KAT6A: variants seen among roughly 807,000 people sequenced by gnomAD.
The protein encoded by KAT6A is lysine acetyltransferase 6A, also known as histone acetyltransferase KAT6A.
In KAT6A, 9 loss-of-function variants were observed where a neutral mutation model predicts 198.4. The observed-to-expected ratio is 0.05, with a 90% CI of 0.03 to 0.08. The LOEUF (loss-of-function observed/expected upper bound fraction) is 0.08. Among genes scored for constraint, KAT6A ranks in the 10% least tolerant of loss-of-function variants. The pLI, the probability that KAT6A is intolerant of heterozygous loss-of-function variation, is 1.00. For missense variants in KAT6A, 2,077 were observed against 2,509.9 expected, an observed-to-expected ratio of 0.83 and a Z score of 3.69; for synonymous variants, 890 against 883.0, an observed-to-expected ratio of 1.01 and a Z score of -0.14.
In KAT6A at chr8:41,932,559, G is replaced by T; in HGVS notation, c.5661C>A (p.Gly1887=). Residue 1887 remains glycine, a synonymous_variant, in exon 17 of 17, where the codon GGC becomes GGA. Coordinates refer to ENST00000265713, the MANE Select transcript of KAT6A (RefSeq NM_006766.5). ...CACGCTGAACAGCCAGTGCGCGAGG[G>T]CCAGCCTGCATGGCAACTGCCGATG... ...RSPSAVAMQA[G]PRALAVQRGM... 1 of 1,614,238 alleles carries T rather than the reference G, an allele frequency of 6.2e-7. No homozygotes were observed. Among genetic ancestry groups the T allele is most frequent in the Non-Finnish European group, 8.5e-7 (1 of 1,180,046 alleles).
intron 2 of KAT6A, among the ~76,000 whole-genome samples, chr8:41,999,833 C>T (rs1564055312): frequency 6.6e-6 from 1 of 152,170 alleles, no homozygotes; most frequent in East Asian, 1.9e-4. Flanking sequence ...AAGCAAGTTA[C>T]TTAAGTGTTG....
At chr8:42,018,400 T>C (rs943178227) in intron 2 of KAT6A, among the ~76,000 whole-genome samples, 6 of 152,120 alleles carry the variant, frequency 3.9e-5, no homozygotes, top group African/African-American at 1.4e-4. Context: ...TAATTCCAGC[T>C]ACTTGAGAGG....
In KAT6A at chr8:41,932,505, A is replaced by T. The variant is rs1214850518; in HGVS notation, c.5715T>A (p.Pro1905=). The T allele has an allele frequency of 1.9e-6, 3 of 1,614,220 alleles. No homozygotes were observed. The highest frequency in any genetic ancestry group is 2.7e-5 in the African/African-American group (2 of 75,064). The change falls in exon 17 of 17, where the codon CCT becomes CCA. Residue 1905 remains proline (P), a synonymous_variant. Transcript: ENST00000265713. ...RGMNMGVNLM[P]TPAYNVNSMN... ...TGGAATTGACATTATAGGCGGGAGT[A>T]GGCATCAGATTAACCCCCATGTTCA...
At chr8:42,014,941 G>T (rs1271837388) in intron 2 of KAT6A, among the ~76,000 whole-genome samples, 2 of 152,164 alleles carry the variant, frequency 1.3e-5, no homozygotes, top group Non-Finnish European at 2.9e-5. Flanking sequence ...CGCTAGGAAA[G>T]GATAGATTAT....
At chr8:41,980,222 T>C (rs1444370061) in intron 5 of KAT6A, among the ~76,000 whole-genome samples, 2 of 152,082 alleles carry the variant, frequency 1.3e-5, no homozygotes, top group African/African-American at 2.4e-5. Flanking sequence ...AGCATATGAA[T>C]ATGGAAGTCC....
intron 2 of KAT6A, 120 bp downstream of exon 2, chr8:42,048,258 G>C: frequency 2.0e-6 from 2 of 993,356 alleles, no homozygotes; most frequent in African/African-American, 1.6e-5. Context: ...TAAAAAACCA[G>C]AGGTGATCAC....
intron 15 of KAT6A, among the ~76,000 whole-genome samples, chr8:41,940,412 G>A (rs1463035321): frequency 1.3e-5 from 2 of 152,158 alleles, no homozygotes; most frequent in Admixed American, 1.3e-4. Context: ...ATATAGGGCA[G>A]CACTATGTTC....
At chr8:41,984,540 G>C (rs1035672408) in intron 3 of KAT6A, among the ~76,000 whole-genome samples, 6 of 152,122 alleles carry the variant, frequency 3.9e-5, no homozygotes, top group Non-Finnish European at 5.9e-5. Context: ...AAACCACCCA[G>C]ATAAGCAACT....
At chr8:41,992,757 G>A (rs546668044) in intron 2 of KAT6A, among the ~76,000 whole-genome samples, 5 of 152,214 alleles carry the variant, frequency 3.3e-5, no homozygotes, top group African/African-American at 1.2e-4. Context: ...GGAAGACTGA[G>A]AACAGTATCG....
intron 4 of KAT6A, 104 bp downstream of exon 4, chr8:41,981,735 T>C (rs1824364604): frequency 1.4e-6 from 1 of 717,274 alleles, no homozygotes; most frequent in South Asian, 1.5e-5. Context: ...TAAATGCTAC[T>C]GGACCAAGTG....
chr8:41,979,912 C>T (rs1422806528), intron 5 of KAT6A, among the ~76,000 whole-genome samples: 1 of 152,060 alleles, frequency 6.6e-6, no homozygotes, highest in Non-Finnish European at 1.5e-5. Flanking sequence ...GGCAGAGAAT[C>T]GCTTTGAACC....
intron 9 of KAT6A, 150 bp downstream of exon 9, chr8:41,955,145 CT>C (rs1822862507): frequency 1.7e-6 from 1 of 571,906 alleles, no homozygotes; most frequent in Non-Finnish European, 3.1e-6. Flanking sequence ...GATGAAGTGG[CT>C]GCCAAAGCCG....
chr8:42,051,379 G>GGCCGGAGCCAAA (rs944305094), intron 1 of KAT6A, among the ~76,000 whole-genome samples: 41 of 151,650 alleles, frequency 2.7e-4, no homozygotes, highest in African/African-American at 9.6e-4. Context: ...CCGCGCCCCC[G>GGCCGGAGCCAAA]GCCGGAGCCA....
intron 3 of KAT6A, among the ~76,000 whole-genome samples, chr8:41,982,520 T>G (rs1824411886): frequency 6.6e-6 from 1 of 152,204 alleles, no homozygotes; most frequent in Non-Finnish European, 1.5e-5. Flanking sequence ...CACAGTCTAC[T>G]GCAGTGTGAA....
chr8:42,042,850 T>C (rs1827732238), intron 2 of KAT6A, among the ~76,000 whole-genome samples: 1 of 152,220 alleles, frequency 6.6e-6, no homozygotes, highest in Admixed American at 6.5e-5. Context: ...AAACTATATA[T>C]ATTCAAGTAA....
rs1057150562 is a variant in KAT6A at position 42,032,043 on chromosome 8, C to A, written c.600+16335G>T. Among the ~76,000 whole-genome samples, 2 of 152,130 alleles carry A rather than the reference C, an allele frequency of 1.3e-5. 1 individual carries two copies. The highest frequency in any genetic ancestry group is 4.8e-5 in the African/African-American group (2 of 41,420). On this transcript the variant is annotated intron_variant, in intron 2 of 16. Coordinates refer to ENST00000265713, the MANE Select transcript of KAT6A (RefSeq NM_006766.5). Reference sequence around the variant, plus strand: ...CTCCCGGGTTCACGCCGTTCTCCTGCCTCAGCCTCCCGAGTAGCTGGGACT... The same window carrying A: ...CTCCCGGGTTCACGCCGTTCTCCTGACTCAGCCTCCCGAGTAGCTGGGACT...
In KAT6A at chr8:41,932,229, G is replaced by A. The variant is rs745627517; in HGVS notation, c.5991C>T (p.Leu1997=). 1.9e-6 allele frequency: 3 copies of A among 1,607,864 alleles called. No individual in the cohort carries two copies. The highest frequency in any genetic ancestry group is 1.1e-5 in the South Asian group (1 of 90,194). Residue 1997 remains leucine (L), a synonymous_variant, in exon 17 of 17, where the codon CTC becomes CTT. Transcript: ENST00000265713. ...MNAAGVPKQS[L]NGPYMRR ...CTCATCTTCTCATGTAAGGTCCGTT[G>A]AGTGACTGCTTGGGCACGCCAGCAG...
At chr8:42,004,384 T>G (rs767062362) in intron 2 of KAT6A, among the ~76,000 whole-genome samples, 10 of 152,188 alleles carry the variant, frequency 6.6e-5, no homozygotes, top group Non-Finnish European at 1.3e-4. Flanking sequence ...AAAGCTTTAG[T>G]AAGCAAAGCC....
At chr8:41,986,097 C>T (rs150603626) in intron 3 of KAT6A, among the ~76,000 whole-genome samples, 2,040 of 152,218 alleles carry the variant, frequency 0.013, 41 homozygotes, top group South Asian at 0.082. Flanking sequence ...CGAACCACCA[C>T]GCCCAGCTAA....
Sources: gnomAD v4.1 joint callset for allele counts (sites outside exome capture counted in the v4.1 genomes callset) on GRCh38, gnomAD v4.1.1 for gene constraint, MANE v1.5 for transcripts, NCBI Gene and HGNC (gene_info 2026-07-23, HGNC 2026-07-21) for gene names.